NHSL2: variants seen among roughly 807,000 people sequenced by gnomAD.
NHSL2 encodes the protein NHS-like protein 2.
A neutral mutation model predicts 53.4 loss-of-function variants in NHSL2; 27 were observed. That is an observed-to-expected ratio of 0.51 (90% CI 0.37 to 0.70). The LOEUF (loss-of-function observed/expected upper bound fraction) is 0.70. Among genes scored for constraint, NHSL2 ranks in the 30% least tolerant of loss-of-function variants. NHSL2 has a pLI of 0.00. For synonymous variants in NHSL2, 408 were observed against 404.1 expected, an observed-to-expected ratio of 1.01 and a Z score of -0.12; for missense variants, 892 against 980.1, an observed-to-expected ratio of 0.91 and a Z score of 1.20.
chrX:72,048,259 A>C (rs1165141937), intron 1 of NHSL2, among the ~76,000 whole-genome samples: 2 of 110,633 alleles, frequency 1.8e-5, no homozygotes, highest in Non-Finnish European at 3.8e-5. Flanking sequence ...TAATTCTCCT[A>C]TGCATCCGAG....
intron 1 of NHSL2, among the ~76,000 whole-genome samples, chrX:71,962,976 C>CT (rs1300374424): frequency 2.8e-5 from 3 of 108,691 alleles, no homozygotes; most frequent in Non-Finnish European, 5.7e-5. Flanking sequence ...TGTGTCTTCT[C>CT]TTTTTTTTTC....
chrX:71,989,432 C>T (rs1226217786), intron 1 of NHSL2, among the ~76,000 whole-genome samples: 1 of 109,374 alleles, frequency 9.1e-6, no homozygotes, highest in Admixed American at 9.7e-5. Flanking sequence ...AGGAACTATG[C>T]ATGCATCATC....
At chrX:72,018,820 C>A (rs1230842456) in intron 1 of NHSL2, among the ~76,000 whole-genome samples, 1 of 112,841 alleles carries the variant, frequency 8.9e-6, no homozygotes, top group Non-Finnish European at 1.9e-5. Context: ...CTGCCAAAGG[C>A]CGGCGCTGCC....
chrX:72,055,411 G>A (rs1197863801), intron 1 of NHSL2, among the ~76,000 whole-genome samples: 1 of 112,470 alleles, frequency 8.9e-6, no homozygotes, highest in Non-Finnish European at 1.9e-5. Context: ...CTCCAATTAG[G>A]TTTTTGTTGT....
At chrX:72,111,497 C>T (rs2042093173) in intron 1 of NHSL2, among the ~76,000 whole-genome samples, 2 of 112,625 alleles carry the variant, frequency 1.8e-5, no homozygotes, top group South Asian at 7.3e-4. Flanking sequence ...CTCATAGCAA[C>T]CCAGTGAGAC....
intron 1 of NHSL2, among the ~76,000 whole-genome samples, chrX:72,092,913 G>C (rs2041910682): frequency 8.9e-6 from 1 of 112,470 alleles, no homozygotes; most frequent in Non-Finnish European, 1.9e-5. Context: ...GAGGCTTATA[G>C]TATCTCCCTT....
At chrX:71,993,766 A>G (rs1221814191) in intron 1 of NHSL2, among the ~76,000 whole-genome samples, 1 of 111,540 alleles carries the variant, frequency 9.0e-6, no homozygotes, top group African/African-American at 3.3e-5. Context: ...AGCAGGTACC[A>G]TAAGGGTGAG....
chrX:72,043,615 C>T (rs2147922403), intron 1 of NHSL2, among the ~76,000 whole-genome samples: 1 of 111,838 alleles, frequency 8.9e-6, no homozygotes, highest in East Asian at 2.8e-4. Flanking sequence ...TCAGAAACAG[C>T]TTCTTTAGTA....
chrX:72,091,038 T>C (rs1392416980), intron 1 of NHSL2, among the ~76,000 whole-genome samples: 1 of 112,203 alleles, frequency 8.9e-6, no homozygotes, highest in East Asian at 2.8e-4. Flanking sequence ...TTGTTGCCAG[T>C]ATTTTGCTGT....
intron 1 of NHSL2, chrX:72,045,041 A>C: frequency 2.1e-6 from 1 of 468,461 alleles, no homozygotes; most frequent in African/African-American, 2.4e-5. Flanking sequence ...AGAAGCCCCC[A>C]CGTGGAGCTA....
chrX:72,120,784 C>T (rs1307021172), intron 1 of NHSL2, among the ~76,000 whole-genome samples: 3 of 112,761 alleles, frequency 2.7e-5, no homozygotes, highest in African/African-American at 9.7e-5. Flanking sequence ...TATGTCTCCT[C>T]AGCTAACTGA....
chrX:72,024,946 T>C (rs923878736), intron 1 of NHSL2, among the ~76,000 whole-genome samples: 26 of 112,462 alleles, frequency 2.3e-4, no homozygotes, highest in African/African-American at 7.8e-4. Context: ...AATACATTGT[T>C]ATTAACTATA....
intron 1 of NHSL2, among the ~76,000 whole-genome samples, chrX:72,088,695 A>G (rs1448004252): frequency 8.9e-6 from 1 of 111,780 alleles, no homozygotes; most frequent in Non-Finnish European, 1.9e-5. Context: ...ACCAGGCTGC[A>G]GTAATCTGTG....
intron 1 of NHSL2, among the ~76,000 whole-genome samples, chrX:71,928,552 G>A (rs762297190): frequency 8.9e-6 from 1 of 112,052 alleles, no homozygotes; most frequent in South Asian, 3.7e-4. Context: ...GGAGTTGCAT[G>A]AGCAAAGGCA....
At chrX:72,058,663 C>T (rs1258721057) in intron 1 of NHSL2, among the ~76,000 whole-genome samples, 1 of 112,424 alleles carries the variant, frequency 8.9e-6, no homozygotes, top group Non-Finnish European at 1.9e-5. Flanking sequence ...TTCTTAAAGG[C>T]TTTCTCTGCC....
chrX:72,075,901 AGT>A (rs10637913), intron 1 of NHSL2, among the ~76,000 whole-genome samples: 5,650 of 93,349 alleles, frequency 0.061, 450 homozygotes, highest in African/African-American at 0.21. Flanking sequence ...GGGGGAGCAC[AGT>A]GTGTGTGTGT....
intron 1 of NHSL2, among the ~76,000 whole-genome samples, chrX:71,940,036 G>T (rs1043838507): frequency 2.7e-5 from 3 of 111,946 alleles, no homozygotes; most frequent in African/African-American, 9.7e-5. Context: ...AGAATTTGTA[G>T]AGTGGGAAGA....
chrX:72,104,877 A>C, intron 1 of NHSL2, among the ~76,000 whole-genome samples: 1 of 111,506 alleles, frequency 9.0e-6, no homozygotes, highest in Non-Finnish European at 1.9e-5. Context: ...GGGAGAGAAA[A>C]GAGGCCAAGG....
chrX:72,034,091 A>C (rs1423092358), intron 1 of NHSL2, among the ~76,000 whole-genome samples: 3 of 110,420 alleles, frequency 2.7e-5, no homozygotes, highest in African/African-American at 9.9e-5. Context: ...AAGTTCCCCC[A>C]CTCTTCCTAG....
Sources: allele counts gnomAD v4.1 joint callset (sites outside exome capture counted in the v4.1 genomes callset), GRCh38; gene constraint gnomAD v4.1.1; transcripts MANE v1.5; gene names NCBI Gene and HGNC (gene_info 2026-07-23, HGNC 2026-07-21).